Variants in KDM4C observed in about 807,000 individuals in gnomAD.
The protein encoded by KDM4C is lysine demethylase 4C.
A neutral mutation model predicts 129.3 loss-of-function variants in KDM4C; 81 were observed. The observed-to-expected ratio is 0.63, with a 90% CI of 0.52 to 0.75. KDM4C has a LOEUF of 0.75. KDM4C is among the 30% of genes least tolerant of loss of function. The probability of loss-of-function intolerance (pLI) is 0.00; values close to 1 mark genes in which losing one functional copy is unlikely to be tolerated. For missense variants in KDM4C, 1,457 were observed against 1,304.0 expected, an observed-to-expected ratio of 1.12 and a Z score of -1.81; for synonymous variants, 573 against 456.1, an observed-to-expected ratio of 1.26 and a Z score of -3.26.
At position 6,889,010 on chromosome 9, in the gene KDM4C, G is replaced by C. The variant is rs1404364217; in HGVS notation, c.783+947G>C. On this transcript the variant is annotated intron_variant, in intron 7 of 21. Transcript: ENST00000381309. Reference sequence around the variant, plus strand: ...TCACCGTTTTAGCCGGGATGGCCTCGATCTCCCGACCTCGTGATCCGCCCG... The same window carrying C: ...TCACCGTTTTAGCCGGGATGGCCTCCATCTCCCGACCTCGTGATCCGCCCG... 6.1e-5 allele frequency among the ~76,000 whole-genome samples: 2 copies of C among 32,936 alleles called. 1 individual carries two copies. The highest frequency in any genetic ancestry group is 1.2e-4 in the Non-Finnish European group (2 of 16,510). The allele number at this position is 32,936 out of a possible 152,430, so 21.6% of individuals were successfully genotyped here.
Position 6,893,224 on chromosome 9 carries a change from G to A in KDM4C, c.913G>A (p.Ala305Thr), listed in dbSNP as rs1846351434. 1.2e-6 allele frequency: 2 copies of A among 1,608,390 alleles called. No individual in the cohort carries two copies. The change falls in exon 8 of 22, where the codon GCC (alanine) becomes ACC (threonine). Residue 305 changes from alanine (A) to threonine (T), a missense_variant. Coordinates refer to ENST00000381309, the MANE Select transcript of KDM4C (RefSeq NM_015061.6). ...CAGATGGATTGACTATGGAAAAGTT[G>A]CCAAATTGGTAAGCTATGCCTCAAA... ...TVRWIDYGKV[A>T]KLCTCRKDMV... is the part of the protein sequence containing the mutation.
intron 18 of KDM4C, among the ~76,000 whole-genome samples, chr9:7,121,216 C>G (rs1282090477): frequency 6.6e-6 from 1 of 152,160 alleles, no homozygotes; most frequent in South Asian, 2.1e-4. Context: ...AGGGGTTCTT[C>G]TGGTCTAAGC....
chr9:6,942,153 A>G (rs1479545300), intron 8 of KDM4C, among the ~76,000 whole-genome samples: 3 of 152,194 alleles, frequency 2.0e-5, no homozygotes, highest in Non-Finnish European at 4.4e-5. Context: ...TAGCAGAGCA[A>G]TAACTTTAAG....
At position 6,836,239 on chromosome 9, in the gene KDM4C, G is replaced by T. The variant is rs542259730; in HGVS notation, c.436-13268G>T. On this transcript the variant is annotated intron_variant, in intron 4 of 21. Transcript: ENST00000381309. ...GGCTGAGGCGGGCGGATCACCTGAG[G>T]TCAGGAGTTCAAGACCAGCCTGGCC... Among the ~76,000 whole-genome samples, 3 of 152,192 alleles carry T rather than the reference G, an allele frequency of 2.0e-5. No homozygotes were observed. In the East Asian group the frequency reaches 5.8e-4, roughly 30 times the overall value.
intron 8 of KDM4C, among the ~76,000 whole-genome samples, chr9:6,952,432 A>G (rs893684750): frequency 2.0e-4 from 28 of 142,030 alleles, no homozygotes; most frequent in Non-Finnish European, 4.0e-4. Context: ...TATATATATA[A>G]TAATAATTAT....
chr9:7,151,265 A>T (rs1842702364), intron 19 of KDM4C, among the ~76,000 whole-genome samples: 1 of 152,064 alleles, frequency 6.6e-6, no homozygotes, highest in African/African-American at 2.4e-5. Context: ...ATAGCTGTGT[A>T]TGAGGACATT....
rs1588799881 is a variant in KDM4C at position 6,865,415 on chromosome 9, T to C, written c.630-14597T>C. ...TGAATTCCTGATCAGAGAGCTTACATATAGCTATGTTATTAGGGCCAGTCA... is the reference window on the plus strand; with the variant it reads ...TGAATTCCTGATCAGAGAGCTTACACATAGCTATGTTATTAGGGCCAGTCA... On this transcript the variant is annotated intron_variant, in intron 5 of 21. Transcript: ENST00000381309. Among the ~76,000 whole-genome samples, 9 of 152,344 alleles carry C rather than the reference T, an allele frequency of 5.9e-5. No homozygotes were observed. The South Asian group carries it at 1.9e-3, about 32-fold the overall frequency.
At chr9:7,049,927 C>G (rs1694078718) in intron 17 of KDM4C, among the ~76,000 whole-genome samples, 1 of 152,110 alleles carries the variant, frequency 6.6e-6, no homozygotes, top group Admixed American at 6.6e-5. Flanking sequence ...TGGAGCACGT[C>G]TTACAGGTGG....
intron 1 of KDM4C, among the ~76,000 whole-genome samples, chr9:6,746,139 C>A (rs1308994867): frequency 6.6e-6 from 1 of 151,280 alleles, no homozygotes; most frequent in African/African-American, 2.4e-5. Flanking sequence ...CGGGGTTTCA[C>A]TATGTTAACC....
chr9:6,881,202 G>A (rs1356979451), intron 6 of KDM4C, among the ~76,000 whole-genome samples: 1 of 152,110 alleles, frequency 6.6e-6, no homozygotes, highest in Non-Finnish European at 1.5e-5. Flanking sequence ...GGCACCTAAA[G>A]GTTACTTTTC....
chr9:7,027,250 T>G (rs1038559635), intron 15 of KDM4C, among the ~76,000 whole-genome samples: 2 of 152,204 alleles, frequency 1.3e-5, no homozygotes, highest in Non-Finnish European at 2.9e-5. Context: ...TCCAGGTATT[T>G]GGAAGGACTT....
At chr9:6,721,975 A>T (rs1816969361) in intron 1 of KDM4C, among the ~76,000 whole-genome samples, 1 of 151,854 alleles carries the variant, frequency 6.6e-6, no homozygotes, top group African/African-American at 2.4e-5. Context: ...TCTTGCCTTG[A>T]CCTCCCAAAG....
chr9:6,728,129 GA>G (rs1817202596), intron 1 of KDM4C, among the ~76,000 whole-genome samples: 1 of 150,014 alleles, frequency 6.7e-6, no homozygotes, highest in South Asian at 2.1e-4. Context: ...AATGCTATGG[GA>G]ACCATCCCAA....
chr9:6,979,213 C>G (rs1014066711), intron 8 of KDM4C, among the ~76,000 whole-genome samples: 1 of 152,176 alleles, frequency 6.6e-6, no homozygotes, highest in Non-Finnish European at 1.5e-5. Flanking sequence ...TTCTCAGGAT[C>G]TTCATTTTCT....
At chr9:6,834,087 G>A (rs1835413350) in intron 4 of KDM4C, among the ~76,000 whole-genome samples, 1 of 131,950 alleles carries the variant, frequency 7.6e-6, no homozygotes, top group African/African-American at 3.0e-5. Context: ...CACCTAGGCT[G>A]GGGTGCAGTG....
intron 5 of KDM4C, among the ~76,000 whole-genome samples, chr9:6,872,652 G>T (rs980907869): frequency 2.0e-5 from 3 of 152,050 alleles, no homozygotes; most frequent in African/African-American, 7.2e-5. Context: ...GTCTTTGTTG[G>T]TTTAAAGTCT....
intron 4 of KDM4C, among the ~76,000 whole-genome samples, chr9:6,845,274 C>T (rs181525221): frequency 8.5e-5 from 13 of 152,230 alleles, no homozygotes; most frequent in Admixed American, 3.9e-4. Context: ...AGTGCAGTGG[C>T]GCAATCACTG....
chr9:7,156,697 G>T (rs763897996), intron 19 of KDM4C, among the ~76,000 whole-genome samples: 3 of 152,154 alleles, frequency 2.0e-5, no homozygotes, highest in African/African-American at 4.8e-5. Context: ...CCTGTGTTCT[G>T]TTCCATTGGT....
At chr9:6,841,883 C>G (rs1467103751) in intron 4 of KDM4C, among the ~76,000 whole-genome samples, 2 of 152,224 alleles carry the variant, frequency 1.3e-5, no homozygotes, top group African/African-American at 4.8e-5. Context: ...AGAAGTTACA[C>G]AGTTTTGTTC....
Sources: gnomAD v4.1 joint callset for allele counts (sites outside exome capture counted in the v4.1 genomes callset) on GRCh38, gnomAD v4.1.1 for gene constraint, MANE v1.5 for transcripts, NCBI Gene and HGNC (gene_info 2026-07-23, HGNC 2026-07-21) for gene names.